The following AOX1 variants were observed in gnomAD, a reference collection of about 807,000 sequenced individuals.
AOX1 encodes aldehyde oxidase.
A neutral mutation model predicts 169.5 loss-of-function variants in AOX1; 153 were observed. The ratio of observed to expected loss-of-function variants is 0.90; its 90% CI spans 0.79 to 1.03. The LOEUF (loss-of-function observed/expected upper bound fraction) is 1.03, where lower values mean the gene tolerates loss of function less well. Ranked by LOEUF, AOX1 falls within the 50% of genes least tolerant of loss-of-function variation. The probability of loss-of-function intolerance (pLI) is 0.00; values close to 1 mark genes in which losing one functional copy is unlikely to be tolerated. For missense variants in AOX1, 1,656 were observed against 1,663.9 expected, an observed-to-expected ratio of 1.00 and a Z score of 0.08; for synonymous variants, 562 against 581.9, an observed-to-expected ratio of 0.97 and a Z score of 0.49.
intron 25 of AOX1, among the ~76,000 whole-genome samples, chr2:200,646,023 T>C (rs537719905): frequency 6.6e-6 from 1 of 152,284 alleles, no homozygotes; most frequent in South Asian, 2.1e-4. Flanking sequence ...CAGCTTTTTG[T>C]TTCATTTATC....
intron 2 of AOX1, among the ~76,000 whole-genome samples, chr2:200,594,612 C>T (rs1475863354): frequency 6.6e-6 from 1 of 152,158 alleles, no homozygotes; most frequent in Non-Finnish European, 1.5e-5. Context: ...AGAAGCACCC[C>T]TCTCCTTTTA....
intron 4 of AOX1, among the ~76,000 whole-genome samples, chr2:200,599,324 T>C (rs1161426764): frequency 6.6e-6 from 1 of 152,160 alleles, no homozygotes; most frequent in African/African-American, 2.4e-5. Flanking sequence ...TCCCAGAGAC[T>C]CTGTCAGTTG....
At chr2:200,614,418 G>A (rs1035888848) in intron 15 of AOX1, among the ~76,000 whole-genome samples, 16 of 152,300 alleles carry the variant, frequency 1.1e-4, no homozygotes, top group African/African-American at 3.6e-4. Flanking sequence ...TGTGAAATGC[G>A]TCATTGTAGG....
At chr2:200,611,305 G>A in intron 12 of AOX1, 79 bp from the exon 13 acceptor site, 1 of 970,986 alleles carries the variant, frequency 1.0e-6, no homozygotes, top group Non-Finnish European at 1.6e-6. Flanking sequence ...CAGGTATTTG[G>A]TAGAATTACT....
intron 1 of AOX1, among the ~76,000 whole-genome samples, chr2:200,587,422 T>C (rs556654178): frequency 6.6e-6 from 1 of 152,322 alleles, no homozygotes; most frequent in African/African-American, 2.4e-5. Flanking sequence ...CACAACACTT[T>C]TCCCGACGGG....
chr2:200,653,018 TA>T (rs1229049145), intron 26 of AOX1, among the ~76,000 whole-genome samples: 3 of 152,160 alleles, frequency 2.0e-5, no homozygotes, highest in Admixed American at 6.5e-5. Context: ...ATTTTAGGTA[TA>T]AAAAAAATCT....
intron 5 of AOX1, among the ~76,000 whole-genome samples, chr2:200,601,213 A>G (rs1489584166): frequency 6.6e-6 from 1 of 152,146 alleles, no homozygotes; most frequent in Non-Finnish European, 1.5e-5. Flanking sequence ...CAGGCACAGA[A>G]GAACAAATAC....
intron 20 of AOX1, 103 bp from the exon 21 acceptor site, chr2:200,634,688 G>A (rs1277308618): frequency 7.1e-7 from 1 of 1,406,520 alleles, no homozygotes. Context: ...GTGCCCAGCA[G>A]AAGTACTATT....
chr2:200,670,530 GC>G, intron 34 of AOX1, 98 bp from the exon 35 acceptor site: 1 of 916,020 alleles, frequency 1.1e-6, no homozygotes, highest in Non-Finnish European at 1.8e-6. Flanking sequence ...GGCCCTGGTT[GC>G]CCTCTGCTGG....
At chr2:200,654,847 C>A (rs1247125270) in intron 26 of AOX1, among the ~76,000 whole-genome samples, 2 of 152,222 alleles carry the variant, frequency 1.3e-5, no homozygotes, top group African/African-American at 4.8e-5. Flanking sequence ...GTGGCACTAA[C>A]AATGAGCTGT....
rs56199635 is a variant in AOX1, at chr2:200,642,716, G to T, written c.2762G>T (p.Arg921Leu). ...RTNLPSNTAF[R>L]GFGFPQAALI... ...AACCTTCCATCCAACACAGCTTTTC[G>T]TGGGTTTGGCTTTCCTCAGGCAGCG... is the stretch of plus-strand genomic sequence containing the variant. Residue 921 changes from arginine (R) to leucine (L), a missense_variant, in exon 25 of 35, where the codon CGT becomes CTT. By Grantham distance (102) the Arg-to-Leu change is moderately radical (BLOSUM62 -2). Transcript: ENST00000374700. The T allele has an allele frequency of 6.8e-6, 11 of 1,613,994 alleles. No individual in the cohort carries two copies. The highest frequency in any genetic ancestry group is 1.3e-5 in the African/African-American group (1 of 74,916).
intron 20 of AOX1, among the ~76,000 whole-genome samples, chr2:200,631,899 A>G (rs969197379): frequency 1.3e-5 from 2 of 152,232 alleles, no homozygotes; most frequent in African/African-American, 4.8e-5. Flanking sequence ...ATTGAAGTTA[A>G]GATCTGAGCT....
At chr2:200,624,115 A>G in intron 19 of AOX1, 132 bp downstream of exon 19, 1 of 1,063,364 alleles carries the variant, frequency 9.4e-7, no homozygotes, top group South Asian at 1.5e-5. Flanking sequence ...ATTAACCTCT[A>G]ACCAGTCTCA....
In AOX1 at chr2:200,620,772, AC is replaced by A; in HGVS notation, c.1828del (p.Leu610PhefsTer3). 1 of 1,606,330 alleles carries A rather than the reference AC, an allele frequency of 6.2e-7. No individual in the cohort carries two copies. On this transcript the variant is annotated frameshift_variant, in exon 17 of 35. Coordinates refer to ENST00000374700, the MANE Select transcript of AOX1 (RefSeq NM_001159.4). LOFTEE classifies it high-confidence loss of function. ...ATGACATGCCTCTGGTGGACCAGGA[AC>A]TTTTCTTGACTTTTGTGACTAGTTC... ...CDDMPLVDQE[L>X]FLTFVTSSRA...
At chr2:200,659,033 A>G (rs904352573) in intron 27 of AOX1, 132 bp from the exon 28 acceptor site, 50 of 741,640 alleles carry the variant, frequency 6.7e-5, no homozygotes, top group African/African-American at 2.6e-4. Context: ...TCATGGCTGG[A>G]GGAATTTGTG....
At chr2:200,602,497 C>T (rs2034439161) in intron 6 of AOX1, 152 bp downstream of exon 6, 2 of 698,970 alleles carry the variant, frequency 2.9e-6, no homozygotes. Flanking sequence ...TGATCTTGAG[C>T]AGGGCACTTA....
At chr2:200,657,056 G>C in intron 27 of AOX1, 119 bp downstream of exon 27, 1 of 582,268 alleles carries the variant, frequency 1.7e-6, no homozygotes, top group Non-Finnish European at 2.6e-6. Flanking sequence ...GGGTGAGGTG[G>C]CTCATGCCTG....
intron 14 of AOX1, among the ~76,000 whole-genome samples, chr2:200,613,044 G>C (rs973309780): frequency 6.6e-6 from 1 of 151,088 alleles, no homozygotes; most frequent in African/African-American, 2.4e-5. Flanking sequence ...GAGAGAGAGA[G>C]ACAGACAGAC....
rs552145785 is a variant in AOX1 at position 200,618,888 on chromosome 2, G to A, written c.1705-1762G>A. Among the ~76,000 whole-genome samples, 4 of 152,308 alleles carry A rather than the reference G, an allele frequency of 2.6e-5. No individual in the cohort carries two copies. In the East Asian group the frequency reaches 5.8e-4, roughly 22 times the overall value. Reference sequence around the variant, plus strand: ...GCATGAAAAGGAAATGTGTTAATCGGGGGGATCCAGACAGCTTGTCTTCAG... The same window carrying A: ...GCATGAAAAGGAAATGTGTTAATCGAGGGGATCCAGACAGCTTGTCTTCAG... On this transcript the variant is annotated intron_variant, in intron 16 of 34. Coordinates refer to ENST00000374700, the MANE Select transcript of AOX1 (RefSeq NM_001159.4).
Sources: gnomAD v4.1 joint callset for allele counts (sites outside exome capture counted in the v4.1 genomes callset) on GRCh38, gnomAD v4.1.1 for gene constraint, MANE v1.5 for transcripts, NCBI Gene and HGNC (gene_info 2026-07-23, HGNC 2026-07-21) for gene names.